Variants in ZNF10 observed in about 807,000 individuals in gnomAD.
ZNF10 encodes the protein zinc finger protein 10.
ZNF10 carries 8 observed loss-of-function variants against 12.2 expected under a neutral mutation model. The ratio of observed to expected loss-of-function variants is 0.66; its 90% CI spans 0.39 to 1.18. The LOEUF is 1.18. Ranked by LOEUF, ZNF10 falls within the 50% of genes most tolerant of loss-of-function variation. ZNF10 has a pLI of 0.01. For synonymous variants in ZNF10, 229 were observed against 228.2 expected, an observed-to-expected ratio of 1.00 and a Z score of -0.03; for missense variants, 603 against 678.9, an observed-to-expected ratio of 0.89 and a Z score of 1.24.
chr12:133,156,685 A>T lies in ZNF10; in HGVS notation c.1439A>T (p.Gln480Leu). The change falls in exon 5 of 5, where the codon CAG becomes CTG. Residue 480 changes from glutamine (Q) to leucine (L), a missense_variant. Coordinates refer to ENST00000248211, the MANE Select transcript of ZNF10 (RefSeq NM_015394.5). ...FSQSSALIVH[Q>L]RIHTGEKPYE... ...CAGAGTTCTGCCCTTATTGTGCATC[A>T]GAGGATACACACTGGAGAGAAACCA... 1.2e-6 allele frequency: 2 copies of T among 1,614,182 alleles called. No individual in the cohort carries two copies. Among genetic ancestry groups the T allele is most frequent in the Non-Finnish European group, 1.7e-6 (2 of 1,180,016 alleles).
At chr12:133,148,750 G>T (rs1291960058) in intron 2 of ZNF10, among the ~76,000 whole-genome samples, 2 of 137,404 alleles carry the variant, frequency 1.5e-5, no homozygotes, top group Non-Finnish European at 3.2e-5. Flanking sequence ...ATTCAATGTT[G>T]GTTTTTTTTT....
At chr12:133,140,084 T>C (rs1004763423) in intron 1 of ZNF10, among the ~76,000 whole-genome samples, 1 of 150,950 alleles carries the variant, frequency 6.6e-6, no homozygotes, top group South Asian at 2.1e-4. Context: ...GTGCCTTTGG[T>C]CCCAGATACT....
rs751760396 is a variant in ZNF10, at chr12:133,155,963, A to G, written c.717A>G (p.Lys239=). 6.2e-7 allele frequency: 1 copy of G among 1,614,052 alleles called. No homozygotes were observed. Among genetic ancestry groups the G allele is most frequent in the South Asian group, 1.1e-5 (1 of 91,082 alleles). Residue 239 remains lysine, a synonymous_variant, in exon 5 of 5, where the codon AAA becomes AAG. Transcript: ENST00000248211. ...CTCACACAGGTGATAAATCCTACAAATGCCCTGATAATGACAACTCTCTTA... is the reference window on the plus strand; with the variant it reads ...CTCACACAGGTGATAAATCCTACAAGTGCCCTGATAATGACAACTCTCTTA... ...ARTHTGDKSY[K]CPDNDNSLTH...
At chr12:133,139,001 G>A (rs10870585) in intron 1 of ZNF10, among the ~76,000 whole-genome samples, 3 of 152,000 alleles carry the variant, frequency 2.0e-5, no homozygotes, top group Admixed American at 2.0e-4. Context: ...AAATAGTATG[G>A]CATTGCCTTT....
chr12:133,155,308 C>T (rs1956032503), intron 4 of ZNF10, among the ~76,000 whole-genome samples, 195 bp from the exon 5 acceptor site: 1 of 152,096 alleles, frequency 6.6e-6, no homozygotes, highest in South Asian at 2.1e-4. Context: ...CTCCTTTTGC[C>T]CTTTGTGAGT....
intron 2 of ZNF10, among the ~76,000 whole-genome samples, chr12:133,149,740 A>C (rs747142075): frequency 6.6e-6 from 1 of 152,004 alleles, no homozygotes; most frequent in Non-Finnish European, 1.5e-5. Flanking sequence ...TTATTAATTA[A>C]TACAATTGGA....
intron 4 of ZNF10, 64 bp downstream of exon 4, chr12:133,151,968 C>G (rs1028557339): frequency 7.5e-7 from 1 of 1,336,660 alleles, no homozygotes; most frequent in South Asian, 1.2e-5. Context: ...GCCAGAACTT[C>G]TAGAGATAGT....
chr12:133,150,930 C>T lies in ZNF10; in HGVS notation c.34-98C>T. On this transcript the variant is annotated intron_variant, in intron 2 of 4. Transcript: ENST00000248211. Reference sequence around the variant, plus strand: ...TGTGGTCCATCCACTTTACCTGCCCCAGTGCTGTCAGCTTAATTTCTCTTC... The same window carrying T: ...TGTGGTCCATCCACTTTACCTGCCCTAGTGCTGTCAGCTTAATTTCTCTTC... 4 of 1,457,056 alleles carry T rather than the reference C, an allele frequency of 2.7e-6. No homozygotes were observed. The South Asian group carries it at 5.7e-5, about 21-fold the overall frequency. The allele number at this position is 1,457,056 out of a possible 1,614,324, so 90.3% of individuals were successfully genotyped here.
chr12:133,146,075 T>C (rs959675266), intron 2 of ZNF10, among the ~76,000 whole-genome samples: 5 of 152,034 alleles, frequency 3.3e-5, no homozygotes, highest in African/African-American at 4.8e-5. Context: ...CAGCAATGAG[T>C]GAGTCAAGGA....
At chr12:133,133,546 A>C (rs1955892763) in intron 1 of ZNF10, among the ~76,000 whole-genome samples, 1 of 152,208 alleles carries the variant, frequency 6.6e-6, no homozygotes, top group South Asian at 2.1e-4. Flanking sequence ...GAAGTGCTGG[A>C]ATAGGGCATG....
At chr12:133,142,816 C>T (rs530708211) in intron 1 of ZNF10, among the ~76,000 whole-genome samples, 54 of 152,288 alleles carry the variant, frequency 3.5e-4, no homozygotes, top group Non-Finnish European at 5.9e-5. Flanking sequence ...AAACATAAAA[C>T]CATATGACCC....
In ZNF10 at chr12:133,151,425, C is replaced by G. The variant is rs573136723; in HGVS notation, c.160+271C>G. On this transcript the variant is annotated intron_variant, in intron 3 of 4. Transcript: ENST00000248211. ...CTTTGGGAGGCCGAGGTGAGCAGAT[C>G]ACAAGGTCAAGAGATTGAGACCATC... 2.6e-5 allele frequency among the ~76,000 whole-genome samples: 4 copies of G among 152,220 alleles called. No individual in the cohort carries two copies. The East Asian group carries it at 7.7e-4, about 29-fold the overall frequency.
chr12:133,137,829 C>T (rs1033777746), intron 1 of ZNF10, among the ~76,000 whole-genome samples: 1 of 152,178 alleles, frequency 6.6e-6, no homozygotes, highest in African/African-American at 2.4e-5. Flanking sequence ...AACTTACCAG[C>T]TGTTTCCTCA....
At chr12:133,154,496 A>T (rs934287896) in intron 4 of ZNF10, among the ~76,000 whole-genome samples, 1 of 152,242 alleles carries the variant, frequency 6.6e-6, no homozygotes, top group Non-Finnish European at 1.5e-5. Context: ...TAATAGGCTC[A>T]TGCTTTATAT....
chr12:133,151,207 C>T (rs1425265896), intron 3 of ZNF10, 53 bp downstream of exon 3: 6 of 1,561,724 alleles, frequency 3.8e-6, no homozygotes, highest in Non-Finnish European at 5.2e-6. Context: ...TCAAAAGGTA[C>T]AGAGACCCTG....
intron 1 of ZNF10, among the ~76,000 whole-genome samples, chr12:133,140,373 C>T (rs899497690): frequency 2.9e-5 from 3 of 105,060 alleles, no homozygotes; most frequent in African/African-American, 1.2e-4. Flanking sequence ...AATGAGGCCT[C>T]GACTTTGGAA....
At chr12:133,138,504 CTAT>C (rs1955925486) in intron 1 of ZNF10, among the ~76,000 whole-genome samples, 1 of 151,978 alleles carries the variant, frequency 6.6e-6, no homozygotes, top group African/African-American at 2.4e-5. Flanking sequence ...GATGCCAGTA[CTAT>C]TTCCAGATAT....
chr12:133,145,929 GGT>G (rs1298843206), intron 2 of ZNF10, among the ~76,000 whole-genome samples: 2 of 152,042 alleles, frequency 1.3e-5, no homozygotes, highest in African/African-American at 4.8e-5. Flanking sequence ...ACCTTTCAGT[GGT>G]GTCCCCATGA....
intron 1 of ZNF10, among the ~76,000 whole-genome samples, chr12:133,133,538 A>G (rs576880218): frequency 1.8e-4 from 27 of 152,344 alleles, no homozygotes; most frequent in African/African-American, 5.1e-4. Context: ...GCAGCGTTGA[A>G]GTGCTGGAAT....
Sources: allele counts gnomAD v4.1 joint callset (sites outside exome capture counted in the v4.1 genomes callset), GRCh38; gene constraint gnomAD v4.1.1; transcripts MANE v1.5; gene names NCBI Gene and HGNC (gene_info 2026-07-23, HGNC 2026-07-21).